LRRTM3: variants seen among roughly 807,000 people sequenced by gnomAD.
The protein encoded by LRRTM3 is leucine-rich repeat transmembrane neuronal protein 3.
LRRTM3 carries 24 observed loss-of-function variants against 44.7 expected under a neutral mutation model. The ratio of observed to expected loss-of-function variants is 0.54; its 90% CI spans 0.39 to 0.76. The LOEUF (loss-of-function observed/expected upper bound fraction) is 0.76, where lower values mean the gene tolerates loss of function less well. LRRTM3 is among the 30% of genes least tolerant of loss of function. The pLI is 0.00. For synonymous variants in LRRTM3, 277 were observed against 278.7 expected (o/e 0.99, Z 0.06); for missense variants, 587 against 702.2 (o/e 0.84, Z 1.85).
intron 2 of LRRTM3, among the ~76,000 whole-genome samples, chr10:67,064,632 G>A (rs1222244897): frequency 6.6e-6 from 1 of 152,074 alleles, no homozygotes; most frequent in Non-Finnish European, 1.5e-5. Context: ...GTTATTCACA[G>A]AAGGCAAAGA....
rs1459599017 is a variant in LRRTM3, at chr10:67,098,290, C to G, written c.*494C>G. 6.5e-6 allele frequency: 1 copy of G among 153,948 alleles called. No homozygotes were observed. Among genetic ancestry groups the G allele is most frequent in the African/African-American group, 2.4e-5 (1 of 41,338 alleles). 9.5% of individuals were successfully genotyped at this position (153,948 alleles called of 1,614,324 possible). ...ACTGTTTTGTTACTGCTTTTGTGCC[C>G]AGAAACCTTGACTCTAAAATTCTGT... On this transcript the variant is annotated 3_prime_UTR_variant, in exon 3 of 3. Transcript: ENST00000361320.
intron 2 of LRRTM3, among the ~76,000 whole-genome samples, chr10:67,035,122 T>C (rs1313021125): frequency 6.6e-6 from 1 of 152,238 alleles, no homozygotes; most frequent in East Asian, 1.9e-4. Flanking sequence ...CTGTGCATAT[T>C]ACCTCTGCTA....
At chr10:66,949,798 A>G (rs776108477) in intron 2 of LRRTM3, among the ~76,000 whole-genome samples, 6 of 151,108 alleles carry the variant, frequency 4.0e-5, no homozygotes, top group South Asian at 4.2e-4. Context: ...CCCAATGCAC[A>G]CCTAAAAGGA....
At chr10:67,023,502 G>T (rs975478561) in intron 2 of LRRTM3, among the ~76,000 whole-genome samples, 1 of 152,090 alleles carries the variant, frequency 6.6e-6, no homozygotes, top group Non-Finnish European at 1.5e-5. Flanking sequence ...TTATTTAATA[G>T]AATAGCTCTA....
intron 2 of LRRTM3, among the ~76,000 whole-genome samples, chr10:67,014,612 A>C (rs1430233191): frequency 6.6e-6 from 1 of 152,116 alleles, no homozygotes; most frequent in Non-Finnish European, 1.5e-5. Flanking sequence ...TTAGTAGCTA[A>C]TGGAAAAAAA....
chr10:67,083,083 C>A (rs946073263), intron 2 of LRRTM3, among the ~76,000 whole-genome samples: 4 of 152,138 alleles, frequency 2.6e-5, no homozygotes, highest in African/African-American at 4.8e-5. Context: ...ATCAGGGGAC[C>A]AGTGAGCATC....
intron 2 of LRRTM3, among the ~76,000 whole-genome samples, chr10:67,087,154 T>C (rs1469847188): frequency 6.6e-6 from 1 of 152,144 alleles, no homozygotes; most frequent in East Asian, 1.9e-4. Flanking sequence ...AAGATTTACA[T>C]GTAAATGAAC....
chr10:66,931,441 C>T (rs1925574), intron 2 of LRRTM3, among the ~76,000 whole-genome samples: 127,935 of 152,176 alleles, frequency 0.84, 54,010 homozygotes, highest in East Asian at 1. Flanking sequence ...TTTCCAAGGA[C>T]GTTGACATTA....
intron 2 of LRRTM3, among the ~76,000 whole-genome samples, chr10:67,092,804 C>G (rs576509549): frequency 6.6e-6 from 1 of 152,074 alleles, no homozygotes; most frequent in Non-Finnish European, 1.5e-5. Context: ...CTTGGCACAT[C>G]ACTGGAAAAT....
Position 66,927,615 on chromosome 10 carries a change from C to T in LRRTM3, c.699C>T (p.Asn233=). Residue 233 remains asparagine, a synonymous_variant, in exon 2 of 3, where the codon AAC becomes AAT. Transcript: ENST00000361320. This position sits in a 1 kb window ranked among gnomAD's most constrained non-coding sequence, Gnocchi z 4.7. ...TTCCAAGGTTGGTCAGCCTTCAGAA[C>T]CTTTACTTGCAGTGGAATAAAATCA... ...ALFPRLVSLQ[N]LYLQWNKISV... The T allele has an allele frequency of 6.2e-7, 1 of 1,614,160 alleles. No homozygotes were observed. Among genetic ancestry groups the T allele is most frequent in the Non-Finnish European group, 8.5e-7 (1 of 1,180,018 alleles).
intron 2 of LRRTM3, among the ~76,000 whole-genome samples, chr10:67,001,633 T>G (rs1176149916): frequency 6.6e-6 from 1 of 152,164 alleles, no homozygotes; most frequent in Non-Finnish European, 1.5e-5. Flanking sequence ...TCAAAAAGAA[T>G]AATTTTATAA....
At chr10:67,068,432 C>T (rs756430818) in intron 2 of LRRTM3, among the ~76,000 whole-genome samples, 3 of 152,124 alleles carry the variant, frequency 2.0e-5, no homozygotes, top group Admixed American at 6.5e-5. Context: ...TAGTTGAATA[C>T]GTAAGACTAG....
chr10:66,992,932 G>C (rs1755516319), intron 2 of LRRTM3, among the ~76,000 whole-genome samples: 1 of 151,970 alleles, frequency 6.6e-6, no homozygotes, highest in South Asian at 2.1e-4. Flanking sequence ...TTATTATACT[G>C]TTTTAATTGT....
intron 2 of LRRTM3, among the ~76,000 whole-genome samples, chr10:67,073,928 T>G (rs1856595883): frequency 6.6e-6 from 1 of 152,136 alleles, no homozygotes; most frequent in Non-Finnish European, 1.5e-5. Flanking sequence ...AATAACAAAA[T>G]GTAACTAATA....
chr10:66,996,611 G>GCAT (rs564491760), intron 2 of LRRTM3, among the ~76,000 whole-genome samples: 88 of 128,500 alleles, frequency 6.8e-4, no homozygotes, highest in African/African-American at 2.6e-3. Context: ...TCGCACCACT[G>GCAT]CATTCAGCCT....
chr10:66,940,273 G>C (rs985312759), intron 2 of LRRTM3, among the ~76,000 whole-genome samples: 5 of 152,120 alleles, frequency 3.3e-5, no homozygotes, highest in African/African-American at 4.8e-5. Context: ...GCCGAGGCAA[G>C]GAGGATCACT....
intron 2 of LRRTM3, among the ~76,000 whole-genome samples, chr10:67,079,985 G>A (rs1390973446): frequency 2.6e-5 from 4 of 152,024 alleles, no homozygotes; most frequent in Non-Finnish European, 5.9e-5. Flanking sequence ...TGTAGTTAGA[G>A]GAGGGTGGTT....
intron 2 of LRRTM3, among the ~76,000 whole-genome samples, chr10:66,960,848 G>A (rs1849070147): frequency 6.6e-6 from 1 of 152,138 alleles, no homozygotes; most frequent in South Asian, 2.1e-4. Flanking sequence ...TGACAGTGTT[G>A]ATAAAGCATA....
intron 2 of LRRTM3, among the ~76,000 whole-genome samples, chr10:67,000,967 TAG>T: frequency 6.6e-6 from 1 of 151,756 alleles, no homozygotes; most frequent in East Asian, 1.9e-4. Flanking sequence ...AATGCGAAAG[TAG>T]AGAGAGAAAA....
Sources: allele counts gnomAD v4.1 joint callset (sites outside exome capture counted in the v4.1 genomes callset), GRCh38; gene constraint gnomAD v4.1.1; non-coding constraint Gnocchi (gnomAD v3.1); transcripts MANE v1.5; gene names NCBI Gene and HGNC (gene_info 2026-07-23, HGNC 2026-07-21).